The following SULF2 variants were observed in gnomAD, a reference collection of about 807,000 sequenced individuals.
SULF2 encodes sulfatase 2.
In SULF2, 52 loss-of-function variants were observed where a neutral mutation model predicts 107.7. That is an observed-to-expected ratio of 0.48 (90% CI 0.39 to 0.61). SULF2 has a LOEUF of 0.61. SULF2 is among the 20% of genes least tolerant of loss of function. The pLI is 0.00. For synonymous variants in SULF2, 460 were observed against 464.3 expected (o/e 0.99, Z 0.12); for missense variants, 993 against 1,177.3 (o/e 0.84, Z 2.29).
intron 4 of SULF2, among the ~76,000 whole-genome samples, chr20:47,691,168 C>T (rs548685793): frequency 1.3e-5 from 2 of 152,208 alleles, no homozygotes; most frequent in Admixed American, 1.3e-4. Flanking sequence ...TGGGTATATC[C>T]CTAAGTCCCT....
At chr20:47,740,279 C>T (rs949757677) in intron 2 of SULF2, among the ~76,000 whole-genome samples, 1 of 152,220 alleles carries the variant, frequency 6.6e-6, no homozygotes, top group African/African-American at 2.4e-5. Flanking sequence ...TCAAGCCTAG[C>T]AGAGGCGGGG....
chr20:47,700,783 T>C (rs2088539673), intron 4 of SULF2, among the ~76,000 whole-genome samples: 1 of 151,912 alleles, frequency 6.6e-6, no homozygotes, highest in Admixed American at 6.6e-5. Context: ...GTAACTGGGA[T>C]TACAGGCGCC....
chr20:47,723,454 C>A (rs1276522599), intron 3 of SULF2, among the ~76,000 whole-genome samples: 2 of 152,158 alleles, frequency 1.3e-5, no homozygotes, highest in Non-Finnish European at 2.9e-5. Flanking sequence ...GGATCCCCAA[C>A]CCCTGGGCTG....
chr20:47,773,103 G>A (rs1230695603), intron 1 of SULF2, among the ~76,000 whole-genome samples: 1 of 152,180 alleles, frequency 6.6e-6, no homozygotes, highest in Non-Finnish European at 1.5e-5. Flanking sequence ...CCCCGCTGGA[G>A]CTTGGCCTGG....
At chr20:47,718,972 A>G (rs1745878398) in intron 3 of SULF2, among the ~76,000 whole-genome samples, 1 of 152,214 alleles carries the variant, frequency 6.6e-6, no homozygotes, top group African/African-American at 2.4e-5. Flanking sequence ...CCAAGATATA[A>G]TTTCCTGAAA....
intron 2 of SULF2, among the ~76,000 whole-genome samples, chr20:47,739,954 G>A (rs1042988218): frequency 6.6e-6 from 1 of 152,082 alleles, no homozygotes; most frequent in Non-Finnish European, 1.5e-5. Context: ...ACTCCCCCGT[G>A]CTCCCTACAG....
At chr20:47,775,892 G>A (rs6090732) in intron 1 of SULF2, among the ~76,000 whole-genome samples, 5,226 of 152,254 alleles carry the variant, frequency 0.034, 317 homozygotes, top group African/African-American at 0.12. Flanking sequence ...CACAATGTAA[G>A]TGTCCAGGGA....
Position 47,743,134 on chromosome 20 carries a change from A to G in SULF2, c.176-6192T>C, listed in dbSNP as rs551956038. On this transcript the variant is annotated intron_variant, in intron 2 of 20. Transcript: ENST00000688720. The stretch of plus-strand genomic sequence containing the variant: ...TTCTTAAAATTATAGATATTATTAG[A>G]GTCTGTGATGGCAGGGCCTCCTAGG... Among the ~76,000 whole-genome samples the G allele has an allele frequency of 2.0e-5, 3 of 152,050 alleles. No individual in the cohort carries two copies. In the East Asian group the frequency reaches 5.8e-4, roughly 29 times the overall value.
chr20:47,687,532 C>T (rs1362294760), intron 5 of SULF2, among the ~76,000 whole-genome samples: 3 of 152,132 alleles, frequency 2.0e-5, no homozygotes, highest in African/African-American at 2.4e-5. Flanking sequence ...CAACATCCCT[C>T]GCCCCAAAGC....
chr20:47,669,535 C>G (rs2087392687), intron 11 of SULF2, among the ~76,000 whole-genome samples: 2 of 152,218 alleles, frequency 1.3e-5, no homozygotes, highest in African/African-American at 4.8e-5. Flanking sequence ...CAGAAAGCCC[C>G]CAGTTCAGCC....
chr20:47,725,676 A>C (rs1568863414), intron 3 of SULF2, among the ~76,000 whole-genome samples: 1 of 152,168 alleles, frequency 6.6e-6, no homozygotes, highest in Non-Finnish European at 1.5e-5. Context: ...TCATTCTTAA[A>C]AAGTAGAGTG....
Position 47,663,178 on chromosome 20 carries a change from A to G in SULF2, c.2262T>C (p.Asn754=), listed in dbSNP as rs1158206410. The stretch of plus-strand genomic sequence containing the variant: ...TGGTCCTCATGCACCAGTACGTGTT[A>G]TTGTTGGCGCTGGTGCAGGCACAGA... ...GPFCACTSAN[N]NTYWCMRTIN... The change falls in exon 17 of 21, where the codon AAT becomes AAC. Residue 754 remains asparagine, a synonymous_variant. Transcript: ENST00000688720. 1.2e-6 allele frequency: 2 copies of G among 1,614,136 alleles called. No individual in the cohort carries two copies. Among genetic ancestry groups the G allele is most frequent in the Middle Eastern group, 1.6e-4 (1 of 6,062 alleles).
At chr20:47,744,004 G>A (rs1817592421) in intron 2 of SULF2, among the ~76,000 whole-genome samples, 1 of 152,128 alleles carries the variant, frequency 6.6e-6, no homozygotes, top group South Asian at 2.1e-4. Flanking sequence ...GCCTTTTGCT[G>A]CTCTTCCTGG....
rs889628559 is a variant in SULF2, at chr20:47,680,495, T to TC, written c.1065-1692dup. On this transcript the variant is annotated intron_variant, in intron 7 of 20. Coordinates refer to ENST00000688720, the MANE Select transcript of SULF2 (RefSeq NM_001387048.1). This position sits in a 1 kb window ranked among gnomAD's most constrained non-coding sequence, Gnocchi z 4.2. ...CCAGGACCTGTTGAATGGTGGACAG[T>TC]CCCGTCAGAGCATCTGAGTGCCTTC... Among the ~76,000 whole-genome samples, 2 of 152,212 alleles carry TC rather than the reference T, an allele frequency of 1.3e-5. No individual in the cohort carries two copies. The highest frequency in any genetic ancestry group is 4.8e-5 in the African/African-American group (2 of 41,458).
chr20:47,772,551 T>TC (rs943502966), intron 1 of SULF2, among the ~76,000 whole-genome samples: 2 of 152,096 alleles, frequency 1.3e-5, no homozygotes, highest in African/African-American at 4.8e-5. Flanking sequence ...CGCGATTCCC[T>TC]CCTTGATGAC....
At chr20:47,754,862 G>A (rs2090244367) in intron 2 of SULF2, among the ~76,000 whole-genome samples, 1 of 152,178 alleles carries the variant, frequency 6.6e-6, no homozygotes, top group Admixed American at 6.5e-5. Flanking sequence ...CTAAGATGGG[G>A]TTTTGTTCTA....
At chr20:47,670,008 G>A (rs1409496527) in intron 11 of SULF2, among the ~76,000 whole-genome samples, 1 of 152,114 alleles carries the variant, frequency 6.6e-6, no homozygotes, top group Admixed American at 6.5e-5. Context: ...ATGTAACGGA[G>A]GGTCATCAGC....
intron 2 of SULF2, among the ~76,000 whole-genome samples, chr20:47,747,002 T>A (rs866720977): frequency 2.4e-4 from 22 of 91,806 alleles, no homozygotes; most frequent in South Asian, 1.0e-3. Context: ...AAAATATATA[T>A]ATATATATAT....
At chr20:47,665,605 A>T (rs2087237242) in intron 13 of SULF2, among the ~76,000 whole-genome samples, 1 of 152,202 alleles carries the variant, frequency 6.6e-6, no homozygotes, top group Non-Finnish European at 1.5e-5. Context: ...GGCCTCCTGT[A>T]GCGTAGACTT....
Sources: allele counts gnomAD v4.1 joint callset (sites outside exome capture counted in the v4.1 genomes callset), GRCh38; gene constraint gnomAD v4.1.1; non-coding constraint Gnocchi (gnomAD v3.1); transcripts MANE v1.5; gene names NCBI Gene and HGNC (gene_info 2026-07-23, HGNC 2026-07-21).